Variants in SNX8 observed in about 807,000 individuals in gnomAD.
SNX8 encodes the protein sorting nexin-8.
Under a neutral mutation model 51.6 loss-of-function variants are expected in SNX8, and 25 were observed. That is an observed-to-expected ratio of 0.48 (90% CI 0.35 to 0.68). The LOEUF (loss-of-function observed/expected upper bound fraction) is 0.68. Ranked by LOEUF, SNX8 falls within the 30% of genes least tolerant of loss-of-function variation. SNX8 has a pLI of 0.00. For synonymous variants in SNX8, 324 were observed against 277.0 expected, an observed-to-expected ratio of 1.17 and a Z score of -1.68; for missense variants, 695 against 624.0, an observed-to-expected ratio of 1.11 and a Z score of -1.21.
chr7:2,304,754 C>T (rs1312211114), intron 1 of SNX8, among the ~76,000 whole-genome samples: 2 of 152,130 alleles, frequency 1.3e-5, no homozygotes, highest in Non-Finnish European at 1.5e-5. Context: ...AGATAAGAAA[C>T]TGCACACACA....
intron 2 of SNX8, 88 bp downstream of exon 2, chr7:2,278,012 T>C (rs1030473436): frequency 6.5e-7 from 1 of 1,529,300 alleles, no homozygotes; most frequent in African/African-American, 1.4e-5. Flanking sequence ...TTCAGCCTTC[T>C]CCTGTCACAC....
intron 6 of SNX8, 25 bp downstream of exon 6, chr7:2,264,267 GTGCCCC>G (rs1795408329): frequency 6.3e-7 from 1 of 1,593,260 alleles, no homozygotes; most frequent in African/African-American, 1.3e-5. Flanking sequence ...CCCACCGCGC[GTGCCCC>G]TGCAGAAGCT....
upstream of SNX8, among the ~76,000 whole-genome samples, chr7:2,318,373 A>G (rs1796786156): frequency 6.6e-6 from 1 of 151,798 alleles, no homozygotes; most frequent in Admixed American, 6.6e-5. Context: ...CAACATGAGG[A>G]AACCACTACA....
chr7:2,298,375 T>C (rs958640286), intron 1 of SNX8, among the ~76,000 whole-genome samples: 2 of 152,094 alleles, frequency 1.3e-5, no homozygotes, highest in Non-Finnish European at 2.9e-5. Flanking sequence ...TGGGTTGTTT[T>C]GTTTTGTTTT....
intron 1 of SNX8, among the ~76,000 whole-genome samples, chr7:2,324,981 C>T (rs528914020): frequency 1.4e-5 from 2 of 147,876 alleles, no homozygotes; most frequent in Non-Finnish European, 2.9e-5. Flanking sequence ...TGGTGGCACA[C>T]GCCTGTAGTC....
intron 10 of SNX8, 117 bp downstream of exon 10, chr7:2,256,757 A>C: frequency 9.9e-7 from 1 of 1,007,240 alleles, no homozygotes; most frequent in South Asian, 1.8e-5. Flanking sequence ...GCGGAGCCCA[A>C]CTCCACTAAA....
At chr7:2,313,934 G>T (rs1796709308) in intron 1 of SNX8, among the ~76,000 whole-genome samples, 1 of 152,274 alleles carries the variant, frequency 6.6e-6, no homozygotes, top group Non-Finnish European at 1.5e-5. Flanking sequence ...GTCCGGGGAA[G>T]TGGCCCCCAG....
intron 1 of SNX8, among the ~76,000 whole-genome samples, chr7:2,327,687 G>T (rs1412771107): frequency 6.7e-6 from 1 of 149,482 alleles, no homozygotes; most frequent in Admixed American, 6.7e-5. Flanking sequence ...GATTACAGGC[G>T]TGAGCCATCG....
At chr7:2,348,338 CTTTT>C (rs59761780) in intron 1 of SNX8, among the ~76,000 whole-genome samples, 3 of 93,670 alleles carry the variant, frequency 3.2e-5, no homozygotes, top group Non-Finnish European at 2.2e-5. Context: ...TTCTTTCTTT[CTTTT>C]TTTTTTTTTT....
rs560129465 is a variant in SNX8 at position 2,273,902 on chromosome 7, TA to T, written c.418+1209del. ...CTGGGCGACAGAGCGAGACTCCATG[TA>T]AAAAAAAAAAAAAAACACCATAAAA... On this transcript the variant is annotated intron_variant, in intron 3 of 10. Coordinates refer to ENST00000222990, the MANE Select transcript of SNX8 (RefSeq NM_013321.4). Among the ~76,000 whole-genome samples the T allele has an allele frequency of 4.4e-3, 552 of 125,754 alleles. 1 individual carries two copies. The highest frequency in any genetic ancestry group is 8.8e-3 in the Admixed American group (108 of 12,332). The allele number at this position is 125,754 out of a possible 152,430, so 82.5% of individuals were successfully genotyped here.
intron 1 of SNX8, among the ~76,000 whole-genome samples, chr7:2,326,886 A>G (rs1411848165): frequency 6.6e-6 from 1 of 152,112 alleles, no homozygotes; most frequent in Non-Finnish European, 1.5e-5. Context: ...CAGGCAGATC[A>G]CTTGAGCTCA....
intron 1 of SNX8, among the ~76,000 whole-genome samples, chr7:2,353,360 T>C (rs1257839735): frequency 1.3e-5 from 2 of 152,174 alleles, no homozygotes; most frequent in African/African-American, 2.4e-5. Context: ...CACTCTAGCC[T>C]GGGCAACAGA....
chr7:2,327,982 C>A (rs540084297), intron 1 of SNX8, among the ~76,000 whole-genome samples: 1 of 152,188 alleles, frequency 6.6e-6, no homozygotes, highest in African/African-American at 2.4e-5. Context: ...CCTCCTGTCC[C>A]AGCTTCCCAC....
At chr7:2,308,200 G>C (rs1012828323) in intron 1 of SNX8, among the ~76,000 whole-genome samples, 5 of 152,006 alleles carry the variant, frequency 3.3e-5, no homozygotes, top group African/African-American at 1.2e-4. Flanking sequence ...TCAAATATTT[G>C]AGACTCTGCT....
At chr7:2,275,329 T>C (rs767405228) in intron 2 of SNX8, 100 bp from the exon 3 acceptor site, 13 of 791,356 alleles carry the variant, frequency 1.6e-5, no homozygotes, top group African/African-American at 5.1e-5. Flanking sequence ...ACCAAGTGCA[T>C]CTTCTCTCAC....
In SNX8 at chr7:2,254,573, G is replaced by T; in HGVS notation, c.*483C>A. On this transcript the variant is annotated 3_prime_UTR_variant, in exon 11 of 11. Coordinates refer to ENST00000222990, the MANE Select transcript of SNX8 (RefSeq NM_013321.4). ...CACCGTGCGTGCCCCACGCCCAATGGCCCTCCCTCCCAGCCTCAGCACCAC... is the reference window on the plus strand; with the variant it reads ...CACCGTGCGTGCCCCACGCCCAATGTCCCTCCCTCCCAGCCTCAGCACCAC... The T allele has an allele frequency of 5.6e-6, 1 of 177,516 alleles. No individual in the cohort carries two copies. The highest frequency in any genetic ancestry group is 1.1e-4 in the South Asian group (1 of 8,758). The allele number at this position is 177,516 out of a possible 1,614,324, so 11.0% of individuals were successfully genotyped here. A position where few individuals can be genotyped will look rare whatever the true frequency, so the allele number is the denominator to read the frequency against.
At chr7:2,267,970 T>C in intron 5 of SNX8, among the ~76,000 whole-genome samples, 1 of 141,828 alleles carries the variant, frequency 7.1e-6, no homozygotes, top group Admixed American at 6.9e-5. Flanking sequence ...CGCCGCCCCA[T>C]CTGGGATGTG....
chr7:2,306,565 G>A (rs1400915170), intron 1 of SNX8, among the ~76,000 whole-genome samples: 1 of 152,030 alleles, frequency 6.6e-6, no homozygotes, highest in East Asian at 1.9e-4. Context: ...CTATTATACA[G>A]ACACTAGGTA....
rs1280044144 is a variant in SNX8, at chr7:2,342,157, C to A, written c.-66+12065G>T. 2.0e-5 allele frequency among the ~76,000 whole-genome samples: 3 copies of A among 150,604 alleles called. No homozygotes were observed. In the East Asian group the frequency reaches 5.8e-4, roughly 29 times the overall value. The stretch of plus-strand genomic sequence containing the variant: ...TCTCACCACTGCACTCCAGCCTGGG[C>A]AATAAGAGGGAAACGCTGTCTCAAA... On this transcript the variant is annotated intron_variant, in intron 1 of 5. Transcript: ENST00000435336.
Sources: allele counts gnomAD v4.1 joint callset (sites outside exome capture counted in the v4.1 genomes callset), GRCh38; gene constraint gnomAD v4.1.1; transcripts MANE v1.5; gene names NCBI Gene and HGNC (gene_info 2026-07-23, HGNC 2026-07-21).